The following MMAA variants were observed in gnomAD, a reference collection of about 807,000 sequenced individuals.
MMAA encodes metabolism of cobalamin associated A.
In MMAA, 41 loss-of-function variants were observed where a neutral mutation model predicts 45.0. That is an observed-to-expected ratio of 0.91 (90% CI 0.71 to 1.18). MMAA has a LOEUF of 1.18. Ranked by LOEUF, MMAA falls within the 50% of genes most tolerant of loss-of-function variation. The pLI is 0.00. For synonymous variants in MMAA, 154 were observed against 178.2 expected (o/e 0.86, Z 1.08); for missense variants, 460 against 495.7 (o/e 0.93, Z 0.68).
At chr4:145,641,822 C>G (rs114557408) in intron 2 of MMAA, among the ~76,000 whole-genome samples, 1 of 152,142 alleles carries the variant, frequency 6.6e-6, no homozygotes, top group African/African-American at 2.4e-5. Context: ...GAGTTTTCTG[C>G]TTTTCTTAAC....
intron 4 of MMAA, 25 bp from the exon 5 acceptor site, chr4:145,651,037 A>T (rs1444411539): frequency 6.3e-7 from 1 of 1,598,664 alleles, no homozygotes; most frequent in Non-Finnish European, 8.6e-7. Context: ...GTATTTTAGG[A>T]TATAGTTGTG....
chr4:145,635,461 T>G (rs540786735), intron 1 of MMAA, among the ~76,000 whole-genome samples: 1 of 152,138 alleles, frequency 6.6e-6, no homozygotes, highest in Non-Finnish European at 1.5e-5. Flanking sequence ...AGGGGTGGTG[T>G]TGGGGATTCA....
intron 1 of MMAA, among the ~76,000 whole-genome samples, chr4:145,637,810 G>T (rs1727654598): frequency 6.6e-6 from 1 of 152,168 alleles, no homozygotes; most frequent in South Asian, 2.1e-4. Context: ...AGCTCTTACT[G>T]CATGGTAGAC....
intron 1 of MMAA, among the ~76,000 whole-genome samples, chr4:145,634,290 C>T (rs955343749): frequency 6.6e-6 from 1 of 152,154 alleles, no homozygotes; most frequent in African/African-American, 2.4e-5. Flanking sequence ...GCATCCTTCC[C>T]ATTCTTTCCT....
At position 145,656,476 on chromosome 4, in the gene MMAA, C is replaced by T. The variant is rs1728235116; in HGVS notation, c.*1042C>T. 6.6e-6 allele frequency: 1 copy of T among 151,934 alleles called. No individual in the cohort carries two copies. Among genetic ancestry groups the T allele is most frequent in the South Asian group, 2.1e-4 (1 of 4,830 alleles). The allele number at this position is 151,934 out of a possible 1,614,324, so 9.4% of individuals were successfully genotyped here. ...AAGGTTAGTGAAGATAGGAAATACT[C>T]GAAGGCTGCTTACTATCCTTATTAC... On this transcript the variant is annotated 3_prime_UTR_variant, in exon 7 of 7. Transcript: ENST00000649156.
At chr4:145,654,298 A>C (rs1728171240) in intron 6 of MMAA, among the ~76,000 whole-genome samples, 155 bp downstream of exon 6, 1 of 152,222 alleles carries the variant, frequency 6.6e-6, no homozygotes, top group Non-Finnish European at 1.5e-5. Context: ...TGTAGTCATG[A>C]TTTTAAATAT....
chr4:145,625,236 CCTGTTG>C (rs932870693), intron 1 of MMAA: 5 of 1,103,794 alleles, frequency 4.5e-6, no homozygotes, highest in Non-Finnish European at 6.9e-6. Flanking sequence ...TCAGGAACTT[CCTGTTG>C]CTGACTCTTG....
intron 1 of MMAA, among the ~76,000 whole-genome samples, chr4:145,629,958 G>A (rs1734297458): frequency 6.6e-6 from 1 of 152,126 alleles, no homozygotes; most frequent in Non-Finnish European, 1.5e-5. Flanking sequence ...ACCATATCAA[G>A]CCTCTAGGTA....
intron 6 of MMAA, 57 bp from the exon 7 acceptor site, chr4:145,655,090 G>A: frequency 1.2e-6 from 2 of 1,603,054 alleles, no homozygotes; most frequent in Admixed American, 1.7e-5. Context: ...CAGCGTCCCT[G>A]TAAAAATTTT....
chr4:145,623,313 A>G (rs1207503672), intron 1 of MMAA, among the ~76,000 whole-genome samples: 2 of 152,220 alleles, frequency 1.3e-5, no homozygotes, highest in South Asian at 2.1e-4. Context: ...TTCAAGTACT[A>G]TACTACATTT....
rs1254353906 is a variant in MMAA at position 145,655,321 on chromosome 4, C to T, written c.1144C>T (p.His382Tyr). 2 of 1,614,020 alleles carry T rather than the reference C, an allele frequency of 1.2e-6. No individual in the cohort carries two copies. The highest frequency in any genetic ancestry group is 2.7e-5 in the African/African-American group (2 of 74,904). Residue 382 changes from histidine (H) to tyrosine (Y), a missense_variant, in exon 7 of 7, where the codon CAC becomes TAC. His to Tyr is a moderately conservative substitution (Grantham distance 83). Coordinates refer to ENST00000649156, the MANE Select transcript of MMAA (RefSeq NM_172250.3). Reference protein sequence around the residue: ...QESVLEHFRTHPTVREQIPLL... With the variant: ...QESVLEHFRTYPTVREQIPLL... The stretch of plus-strand genomic sequence containing the variant: ...AAGTGTGTTAGAGCATTTCAGGACC[C>T]ACCCCACAGTCCGGGAACAGATTCC...
chr4:145,620,656 T>G (rs896248290), intron 1 of MMAA, among the ~76,000 whole-genome samples: 7 of 152,200 alleles, frequency 4.6e-5, no homozygotes, highest in Admixed American at 4.6e-4. Flanking sequence ...ATTTTTTGAC[T>G]TTACAGTGGG....
chr4:145,626,024 G>A (rs1560790672), intron 1 of MMAA: 1 of 1,349,780 alleles, frequency 7.4e-7, no homozygotes, highest in Admixed American at 1.8e-5. Context: ...TCTGGTCTTG[G>A]AAGGTATTCA....
chr4:145,630,994 C>T (rs1014743479), intron 1 of MMAA, among the ~76,000 whole-genome samples: 1 of 152,038 alleles, frequency 6.6e-6, no homozygotes, highest in African/African-American at 2.4e-5. Context: ...TAGTTTTATT[C>T]CAATGTGGTT....
chr4:145,641,189 G>C (rs1163154048), intron 2 of MMAA, among the ~76,000 whole-genome samples: 2 of 152,068 alleles, frequency 1.3e-5, no homozygotes, highest in East Asian at 3.9e-4. Context: ...AAAGATAATA[G>C]CAAACTCCCG....
chr4:145,655,021 A>C (rs1728185934), intron 6 of MMAA, 126 bp from the exon 7 acceptor site: 1 of 990,040 alleles, frequency 1.0e-6, no homozygotes, highest in African/African-American at 1.6e-5. Flanking sequence ...CACAGCAATA[A>C]AATCTCACTC....
rs915303666 is a variant in MMAA, at chr4:145,659,636, T to A, written c.*4202T>A. 4.6e-5 allele frequency: 7 copies of A among 152,220 alleles called. No individual in the cohort carries two copies. Among genetic ancestry groups the A allele is most frequent in the Admixed American group, 4.6e-4 (7 of 15,284 alleles). 9.4% of individuals were successfully genotyped at this position (152,220 alleles called of 1,614,324 possible). On this transcript the variant is annotated 3_prime_UTR_variant, in exon 7 of 7. Transcript: ENST00000649156. ...CACCTGGCCAATCTTAAGATGTGGA[T>A]AGAGTTCTTTTTTTTCTTTTTTCAA...
chr4:145,626,012 A>T (rs1734198579), intron 1 of MMAA: 1 of 1,393,700 alleles, frequency 7.2e-7, no homozygotes, highest in Admixed American at 1.8e-5. Flanking sequence ...TGGAGCTGCC[A>T]CTCTGGTCTT....
intron 1 of MMAA, among the ~76,000 whole-genome samples, chr4:145,637,778 A>G (rs1727653993): frequency 6.6e-6 from 1 of 152,224 alleles, no homozygotes; most frequent in African/African-American, 2.4e-5. Flanking sequence ...GGTGTAATTA[A>G]AATAAAAGCT....
Sources: gnomAD v4.1 joint callset for allele counts (sites outside exome capture counted in the v4.1 genomes callset) on GRCh38, gnomAD v4.1.1 for gene constraint, MANE v1.5 for transcripts, NCBI Gene and HGNC (gene_info 2026-07-23, HGNC 2026-07-21) for gene names.